Variants in UPF3B observed in about 807,000 individuals in gnomAD.
UPF3B encodes the protein regulator of nonsense transcripts 3B.
Under a neutral mutation model 40.3 loss-of-function variants are expected in UPF3B, and 7 were observed. That is an observed-to-expected ratio of 0.17 (90% confidence interval 0.10 to 0.33). The LOEUF (loss-of-function observed/expected upper bound fraction) is 0.33, where lower values mean the gene tolerates loss of function less well. Ranked by LOEUF, UPF3B falls within the 10% of genes least tolerant of loss-of-function variation. The pLI, the probability that UPF3B is intolerant of heterozygous loss-of-function variation, is 1.00. For synonymous variants in UPF3B, 117 were observed against 117.3 expected, an observed-to-expected ratio of 1.00 and a Z score of 0.01; for missense variants, 229 against 358.9, an observed-to-expected ratio of 0.64 and a Z score of 2.93.
chrX:119,842,575 A>ATCTC lies in UPF3B; in HGVS notation c.580+612_580+615dup, dbSNP rs746130492. Among the ~76,000 whole-genome samples the ATCTC allele has an allele frequency of 1.4e-3, 105 of 75,244 alleles. 2 individuals are homozygous for ATCTC. Among genetic ancestry groups the ATCTC allele is most frequent in the African/African-American group, 5.5e-3 (95 of 17,305 alleles). The allele number at this position is 75,244 out of a possible 115,157, so 65.3% of individuals were successfully genotyped here. On this transcript the variant is annotated intron_variant, in intron 5 of 10. Coordinates refer to ENST00000276201, the MANE Select transcript of UPF3B (RefSeq NM_080632.3). ...AGCCTGGGCGACAGAGCAAGACTCC[A>ATCTC]TCTCTCACACACACACACACACACA... is the stretch of plus-strand genomic sequence containing the variant.
At chrX:119,823,910 G>A (rs2055952237) in intron 3 of UPF3B, among the ~76,000 whole-genome samples, 1 of 111,167 alleles carries the variant, frequency 9.0e-6, no homozygotes, top group Admixed American at 9.6e-5. Context: ...CTCTTGCCTT[G>A]GCTTCCCAAA....
chrX:119,808,563 G>T (rs894137095), intron 5 of UPF3B, among the ~76,000 whole-genome samples: 1 of 100,469 alleles, frequency 1.0e-5, no homozygotes, highest in African/African-American at 3.6e-5. Flanking sequence ...CCCCAGGGCC[G>T]GGCACACAGT....
chrX:119,819,214 T>G (rs1325004702), intron 4 of UPF3B, among the ~76,000 whole-genome samples: 1 of 109,483 alleles, frequency 9.1e-6, no homozygotes, highest in Admixed American at 9.9e-5. Context: ...CCACCACGCC[T>G]GGCTAATTTT....
intron 10 of UPF3B, among the ~76,000 whole-genome samples, chrX:119,837,364 C>T (rs2056108636): frequency 1.8e-5 from 2 of 109,001 alleles, no homozygotes; most frequent in Admixed American, 2.0e-4. Context: ...GCCTGTAATC[C>T]CAGCACTTTG....
downstream of UPF3B, among the ~76,000 whole-genome samples, chrX:119,829,736 T>C (rs1454200286): frequency 8.9e-6 from 1 of 111,764 alleles, no homozygotes; most frequent in Non-Finnish European, 1.9e-5. Context: ...CTTCTGTTCT[T>C]TTCTCTCTCC....
At chrX:119,845,815 T>A (rs1412193537) in intron 3 of UPF3B, among the ~76,000 whole-genome samples, 1 of 110,778 alleles carries the variant, frequency 9.0e-6, no homozygotes, top group Non-Finnish European at 1.9e-5. Flanking sequence ...TTTAAAAGGG[T>A]GACTATTTCA....
downstream of UPF3B, among the ~76,000 whole-genome samples, chrX:119,831,177 C>T (rs778547586): frequency 4.8e-4 from 54 of 111,788 alleles, no homozygotes; most frequent in African/African-American, 1.5e-3. Context: ...ACTCCTCTGC[C>T]GTGTACCCCA....
rs562822193 is a variant in UPF3B at position 119,824,860 on chromosome X, G to A, written c.393-1817C>T. ...CTGCTCACTGCAACCGCCGCCTCCT[G>A]GGTTCCAGCAATTCTCCTGCCTCAG... On this transcript the variant is annotated intron_variant, in intron 3 of 6. Transcript: ENST00000636792. 9.7e-5 allele frequency among the ~76,000 whole-genome samples: 10 copies of A among 103,624 alleles called. 1 individual carries two copies. The highest frequency in any genetic ancestry group is 6.0e-4 in the East Asian group (2 of 3,358). 90.0% of individuals were successfully genotyped at this position (103,624 alleles called of 115,157 possible).
At chrX:119,824,663 G>A (rs2428207) in intron 3 of UPF3B, among the ~76,000 whole-genome samples, 1,205 of 110,260 alleles carry the variant, frequency 0.011, 11 homozygotes, top group African/African-American at 0.038. Context: ...TCTCGTGGGT[G>A]TTCATCCTTC....
At chrX:119,833,972 A>C (rs190598647), downstream of UPF3B, 157 of 731,093 alleles carry the variant, frequency 2.1e-4, 1 homozygote, top group African/African-American at 3.5e-3. Context: ...TCAAAAATTT[A>C]ATTTCTCAAA....
intron 3 of UPF3B, among the ~76,000 whole-genome samples, chrX:119,828,582 G>T (rs181114321): frequency 1.8e-5 from 2 of 109,117 alleles, no homozygotes; most frequent in African/African-American, 6.7e-5. Flanking sequence ...TGTGGTGGGA[G>T]AATCAACTGA....
chrX:119,830,387 G>A, downstream of UPF3B, among the ~76,000 whole-genome samples: 1 of 110,404 alleles, frequency 9.1e-6, no homozygotes, highest in Non-Finnish European at 1.9e-5. Context: ...TTGCTGTAAA[G>A]TGTGGCACCT....
At chrX:119,833,993 A>G (rs2056064171), downstream of UPF3B, 1 of 744,893 alleles carries the variant, frequency 1.3e-6, no homozygotes, top group South Asian at 6.9e-5. Context: ...ACTCATAGCT[A>G]TTTAGTAAAG....
rs2056068346 is a variant in UPF3B at position 119,834,352 on chromosome X, T to G, written c.*526A>C. Reference sequence around the variant, plus strand: ...AGTAACATAACTATTTAAATTTTTGTATCAACGAAAGTGTGTTCTATCCTT... The same window carrying G: ...AGTAACATAACTATTTAAATTTTTGGATCAACGAAAGTGTGTTCTATCCTT... On this transcript the variant is annotated 3_prime_UTR_variant, in exon 11 of 11. Transcript: ENST00000276201. The G allele has an allele frequency of 1.3e-6, 1 of 758,384 alleles. No homozygotes were observed. Among genetic ancestry groups the G allele is most frequent in the South Asian group, 6.6e-5 (1 of 15,147 alleles). The allele number at this position is 758,384 out of a possible 1,213,427, so 62.5% of individuals were successfully genotyped here. A position where few individuals can be genotyped will look rare whatever the true frequency, so the allele number is the denominator to read the frequency against.
intron 3 of UPF3B, among the ~76,000 whole-genome samples, chrX:119,846,175 A>C (rs2056228533): frequency 9.1e-6 from 1 of 109,968 alleles, no homozygotes; most frequent in South Asian, 3.8e-4. Context: ...CTCTACTAAA[A>C]ATACAAAAAT....
At chrX:119,831,890 A>G (rs2428239), downstream of UPF3B, 6,073 of 136,621 alleles carry the variant, frequency 0.044, 355 homozygotes, top group African/African-American at 0.18. Context: ...ATGAGGGCAC[A>G]GTAAATGACA....
intron 1 of UPF3B, 110 bp downstream of exon 1, chrX:119,852,663 A>C: frequency 1.2e-5 from 13 of 1,104,162 alleles, no homozygotes; most frequent in East Asian, 3.0e-5. Context: ...ATTCAGGCGA[A>C]GAGATAGAAG....
rs901730507 is a variant in UPF3B at position 119,807,551 on chromosome X, C to A, written c.634G>T (p.Gly212Ter). The change falls in exon 6 of 7, where the codon GGA (glycine) becomes TGA (stop). Residue 212 changes from glycine (G) to a stop codon, truncating the protein, a stop_gained. Coordinates refer to the UPF3B transcript ENST00000636792. LOFTEE classifies it high-confidence loss of function. ...CAGAATCGACCTGGGCTTCGAGCTC[C>A]TGGATGGTAAAGCTTCATCCCTGGA... 12 of 838,682 alleles carry A rather than the reference C, an allele frequency of 1.4e-5. No homozygotes were observed. The highest frequency in any genetic ancestry group is 1.7e-5 in the Non-Finnish European group (12 of 686,116). 69.1% of individuals were successfully genotyped at this position (838,682 alleles called of 1,213,427 possible).
chrX:119,839,713 A>G (rs1324623116), intron 8 of UPF3B, among the ~76,000 whole-genome samples: 2 of 112,265 alleles, frequency 1.8e-5, no homozygotes, highest in African/African-American at 6.5e-5. Flanking sequence ...TGAGTCCAAA[A>G]TGGACACTGA....
Sources: allele counts gnomAD v4.1 joint callset (sites outside exome capture counted in the v4.1 genomes callset), GRCh38; gene constraint gnomAD v4.1.1; transcripts MANE v1.5; gene names NCBI Gene and HGNC (gene_info 2026-07-23, HGNC 2026-07-21).